Variants in LIMD1 observed in about 807,000 individuals in gnomAD.
LIMD1 encodes the protein LIM domain containing 1.
In LIMD1, 23 loss-of-function variants were observed where a neutral mutation model predicts 58.4. The observed-to-expected ratio is 0.39, with a 90% CI of 0.28 to 0.56. The LOEUF is 0.56. LIMD1 is among the 20% of genes least tolerant of loss of function. LIMD1 has a pLI of 0.57. For synonymous variants in LIMD1, 334 were observed against 345.5 expected (o/e 0.97, Z 0.37); for missense variants, 838 against 855.5 (o/e 0.98, Z 0.25).
intron 1 of LIMD1, among the ~76,000 whole-genome samples, chr3:45,605,769 G>A (rs1035264782): frequency 3.9e-5 from 6 of 152,216 alleles, no homozygotes; most frequent in Non-Finnish European, 7.3e-5. Flanking sequence ...TAGTGCAGGG[G>A]GCAGCTGGGA....
At chr3:45,630,127 G>C (rs1701712710) in intron 1 of LIMD1, among the ~76,000 whole-genome samples, 1 of 149,594 alleles carries the variant, frequency 6.7e-6, no homozygotes, top group Admixed American at 6.6e-5. Flanking sequence ...TTTTGAGCTT[G>C]GTTGTTACAG....
At chr3:45,665,914 CTG>C (rs1350974848) in intron 3 of LIMD1, among the ~76,000 whole-genome samples, 197 bp downstream of exon 3, 1 of 152,218 alleles carries the variant, frequency 6.6e-6, no homozygotes, top group African/African-American at 2.4e-5. Context: ...TTTGAAGGAA[CTG>C]TGGGGTCACT....
At chr3:45,651,464 T>G (rs1350984346) in intron 2 of LIMD1, among the ~76,000 whole-genome samples, 3 of 152,216 alleles carry the variant, frequency 2.0e-5, no homozygotes, top group Admixed American at 1.3e-4. Context: ...TTTATGGTTT[T>G]TGGTCTTACA....
At chr3:45,660,867 T>G (rs1019880428) in intron 2 of LIMD1, among the ~76,000 whole-genome samples, 1 of 152,222 alleles carries the variant, frequency 6.6e-6, no homozygotes, top group Admixed American at 6.5e-5. Flanking sequence ...CTTCGAGTTC[T>G]CTGGAGTCCC....
At position 45,677,013 on chromosome 3, in the gene LIMD1, T is replaced by A; in HGVS notation, c.1985T>A (p.Leu662Gln). 1.9e-6 allele frequency: 3 copies of A among 1,614,072 alleles called. 1 individual carries two copies. The South Asian group carries it at 3.3e-5, about 18-fold the overall frequency. The part of the protein sequence containing the change: ...LFCHSCHVKR[L>Q]EKRPSSTALH... ...TGTCACTCCTGCCACGTGAAGAGGC[T>A]GGAGAAGAGACCCTCATCTACAGCC... The change falls in exon 8 of 8, where the codon CTG (leucine) becomes CAG (glutamine). Residue 662 changes from leucine (L) to glutamine (Q), a missense_variant. Around this residue, in one of 3 missense-constraint regions of LIMD1, gnomAD observed 174 missense variants for 197.4 expected, o/e 0.88. Coordinates refer to ENST00000273317, the MANE Select transcript of LIMD1 (RefSeq NM_014240.3).
intron 1 of LIMD1, among the ~76,000 whole-genome samples, chr3:45,612,076 T>G (rs1407801009): frequency 4.6e-5 from 7 of 151,468 alleles, no homozygotes; most frequent in South Asian, 2.1e-4. Flanking sequence ...GCGCGCTCTC[T>G]CTCTCTCTCT....
chr3:45,627,452 A>G (rs1701677740), intron 1 of LIMD1, among the ~76,000 whole-genome samples: 1 of 152,198 alleles, frequency 6.6e-6, no homozygotes, highest in African/African-American at 2.4e-5. Context: ...GAAGAAACAC[A>G]TATAAACTGT....
intron 7 of LIMD1, among the ~76,000 whole-genome samples, chr3:45,676,280 T>C (rs954398796): frequency 6.6e-6 from 1 of 151,984 alleles, no homozygotes; most frequent in African/African-American, 2.4e-5. Flanking sequence ...TTTGAACATG[T>C]AATCAATATA....
rs1321402802 is a variant in LIMD1 at position 45,682,276 on chromosome 3, A to G, written c.*5217A>G. On this transcript the variant is annotated 3_prime_UTR_variant, in exon 8 of 8. Coordinates refer to ENST00000273317, the MANE Select transcript of LIMD1 (RefSeq NM_014240.3). ...TAAGGAGTGAAGATGCAATCAGGGTAAAAGGCGGTCTGGAGTTGTGGTGTG... is the reference window on the plus strand; with the variant it reads ...TAAGGAGTGAAGATGCAATCAGGGTGAAAGGCGGTCTGGAGTTGTGGTGTG... 1.3e-5 allele frequency: 2 copies of G among 152,258 alleles called. No homozygotes were observed. Among genetic ancestry groups the G allele is most frequent in the Middle Eastern group, 3.1e-3 (1 of 318 alleles). 9.4% of individuals were successfully genotyped at this position (152,258 alleles called of 1,614,324 possible).
At chr3:45,603,457 T>C (rs1315831420) in intron 1 of LIMD1, among the ~76,000 whole-genome samples, 1 of 151,930 alleles carries the variant, frequency 6.6e-6, no homozygotes, top group Non-Finnish European at 1.5e-5. Context: ...TGACTAGATA[T>C]GATGACGTGG....
At chr3:45,659,903 A>G (rs1559524437) in intron 2 of LIMD1, among the ~76,000 whole-genome samples, 1 of 152,244 alleles carries the variant, frequency 6.6e-6, no homozygotes, top group African/African-American at 2.4e-5. Flanking sequence ...ATGAAAATAT[A>G]CAGTGACAAC....
intron 3 of LIMD1, 116 bp downstream of exon 3, chr3:45,665,833 G>A: frequency 1.2e-6 from 1 of 849,848 alleles, no homozygotes; most frequent in Non-Finnish European, 1.9e-6. Context: ...GAGGGGCCCT[G>A]CCTTTCCTTC....
intron 3 of LIMD1, 34 bp from the exon 4 acceptor site, chr3:45,668,260 C>T: frequency 1.3e-6 from 2 of 1,573,346 alleles, no homozygotes; most frequent in Non-Finnish European, 1.7e-6. Flanking sequence ...TCTTACCAGT[C>T]TGGGTTTAAC....
chr3:45,632,247 A>G (rs879577291), intron 1 of LIMD1, among the ~76,000 whole-genome samples: 5 of 152,206 alleles, frequency 3.3e-5, no homozygotes, highest in African/African-American at 4.8e-5. Flanking sequence ...TACGATGGGT[A>G]ATCTGGAAGT....
At chr3:45,656,975 G>T (rs1697335766) in intron 2 of LIMD1, among the ~76,000 whole-genome samples, 1 of 152,172 alleles carries the variant, frequency 6.6e-6, no homozygotes, top group Admixed American at 6.5e-5. Flanking sequence ...TGGCGGTTGG[G>T]TGCTCTAGCT....
intron 3 of LIMD1, among the ~76,000 whole-genome samples, 189 bp from the exon 4 acceptor site, chr3:45,668,105 G>T (rs1027407135): frequency 3.3e-5 from 5 of 152,204 alleles, no homozygotes; most frequent in Admixed American, 3.3e-4. Context: ...ACTAGTATTT[G>T]TGATGGCTTT....
intron 4 of LIMD1, among the ~76,000 whole-genome samples, chr3:45,669,572 A>G (rs908411964): frequency 7.9e-5 from 12 of 152,190 alleles, no homozygotes; most frequent in African/African-American, 1.2e-4. Flanking sequence ...CTTCTTGTCT[A>G]TTCCCACTCA....
chr3:45,595,143 C>G lies in LIMD1; in HGVS notation c.264C>G (p.Ala88=). 6.2e-7 allele frequency: 1 copy of G among 1,605,540 alleles called. No individual in the cohort carries two copies. The highest frequency in any genetic ancestry group is 8.5e-7 in the Non-Finnish European group (1 of 1,175,396). ...VNGGGRLGPQ[A]RWEVVGSKLT... ...GAGGGGGCCGCCTGGGCCCACAGGC[C>G]CGTTGGGAAGTTGTGGGCAGCAAGC... The change falls in exon 1 of 8, where the codon GCC becomes GCG. Residue 88 remains alanine (A), a synonymous_variant. Transcript: ENST00000273317.
intron 1 of LIMD1, among the ~76,000 whole-genome samples, chr3:45,626,840 T>A (rs73830447): frequency 0.038 from 5,775 of 150,416 alleles, 364 homozygotes; most frequent in African/African-American, 0.13. Flanking sequence ...GAAGGGGATA[T>A]ATGGAAATTC....
Sources: gnomAD v4.1 joint callset for allele counts (sites outside exome capture counted in the v4.1 genomes callset) on GRCh38, gnomAD v4.1.1 for gene constraint, gnomAD v4.1.1 regional missense constraint, MANE v1.5 for transcripts, NCBI Gene and HGNC (gene_info 2026-07-23, HGNC 2026-07-21) for gene names.